PLCG1: variants seen among roughly 807,000 people sequenced by gnomAD.
PLCG1 encodes 1-phosphatidylinositol 4,5-bisphosphate phosphodiesterase gamma-1.
In PLCG1, 71 loss-of-function variants were observed where a neutral mutation model predicts 177.8. That is an observed-to-expected ratio of 0.40 (90% confidence interval 0.33 to 0.49). PLCG1 has a LOEUF of 0.49. Among genes scored for constraint, PLCG1 ranks in the 20% least tolerant of loss-of-function variants. The pLI, the probability that PLCG1 is intolerant of heterozygous loss-of-function variation, is 0.72. For missense variants in PLCG1, 1,281 were observed against 1,709.0 expected, an observed-to-expected ratio of 0.75 and a Z score of 4.42; for synonymous variants, 658 against 647.9, an observed-to-expected ratio of 1.02 and a Z score of -0.24.
In PLCG1 at chr20:41,144,904, T is replaced by C. The variant is rs966402424; in HGVS notation, c.217+7046T>C. Among the ~76,000 whole-genome samples the C allele has an allele frequency of 2.0e-5, 3 of 151,948 alleles. No individual in the cohort carries two copies. Among genetic ancestry groups the C allele is most frequent in the African/African-American group, 4.8e-5 (2 of 41,326 alleles). Reference sequence around the variant, plus strand: ...AGCTTTCTTGGGCCTCAGTGGCTCATTGAATAAGTGAGAGACGACTTGTGC... The same window carrying C: ...AGCTTTCTTGGGCCTCAGTGGCTCACTGAATAAGTGAGAGACGACTTGTGC... On this transcript the variant is annotated intron_variant, in intron 1 of 31. Transcript: ENST00000685551. The surrounding 1 kb of genome is among the most constrained non-coding windows in gnomAD (Gnocchi z 4.1).
At chr20:41,141,695 AC>A (rs2034832044) in intron 1 of PLCG1, among the ~76,000 whole-genome samples, 1 of 152,100 alleles carries the variant, frequency 6.6e-6, no homozygotes, top group African/African-American at 2.4e-5. Context: ...GGGAAGTCAG[AC>A]CTTTTAGTGT....
Position 41,165,627 on chromosome 20 carries a change from T to C in PLCG1, c.1612-12T>C, listed in dbSNP as rs1177601631. ...GGGTCACAGTATCTTTGCTGTTGCC[T>C]TCCCCTGACAGGTCAGCAGCAGCAC... On this transcript the variant is annotated splice_polypyrimidine_tract_variant and intron_variant, in intron 15 of 31. Coordinates refer to ENST00000685551, the MANE Select transcript of PLCG1 (RefSeq NM_002660.3). This position sits in a 1 kb window ranked among gnomAD's most constrained non-coding sequence, Gnocchi z 6.6. 15 of 1,612,224 alleles carry C rather than the reference T, an allele frequency of 9.3e-6. No individual in the cohort carries two copies. The African/African-American group carries it at 1.7e-4, about 19-fold the overall frequency.
In PLCG1 at chr20:41,163,859, C is replaced by T; in HGVS notation, c.1010+26C>T. ...GTGAGTGTGGCTCCTTCAGGCCCAC[C>T]CAGCTTCTTCCCCAGGAGGGCCCAT... On this transcript the variant is annotated intron_variant, in intron 10 of 31. Coordinates refer to ENST00000685551, the MANE Select transcript of PLCG1 (RefSeq NM_002660.3). The surrounding 1 kb of genome is among the most constrained non-coding windows in gnomAD (Gnocchi z 5.2). 6.2e-7 allele frequency: 1 copy of T among 1,609,302 alleles called. No individual in the cohort carries two copies. The highest frequency in any genetic ancestry group is 8.5e-7 in the Non-Finnish European group (1 of 1,175,600).
Position 41,177,423 on chromosome 20 carries a change from G to A in PLCG1, c.*2914G>A, listed in dbSNP as rs1277508169. 2.0e-5 allele frequency: 3 copies of A among 152,240 alleles called. No individual in the cohort carries two copies. The highest frequency in any genetic ancestry group is 7.2e-5 in the African/African-American group (3 of 41,450). 9.4% of individuals were successfully genotyped at this position (152,240 alleles called of 1,614,324 possible). ...AGGCAGGGGTCTGCCTCCTGACCAA[G>A]CACATCTTGAACATCACCTGAGAGC... On this transcript the variant is annotated 3_prime_UTR_variant, in exon 32 of 32. Transcript: ENST00000685551.
rs2035160396 is a variant in PLCG1, at chr20:41,151,345, T to C, written c.218-8261T>C. ...ACCCTTTGGACCCTCTGTTTCCTCA[T>C]TGTTTCAAAGAGATTTGTCTAGAAT... On this transcript the variant is annotated intron_variant, in intron 1 of 31. Coordinates refer to ENST00000685551, the MANE Select transcript of PLCG1 (RefSeq NM_002660.3). This position sits in a 1 kb window ranked among gnomAD's most constrained non-coding sequence, Gnocchi z 5.5. Among the ~76,000 whole-genome samples the C allele has an allele frequency of 6.6e-6, 1 of 152,200 alleles. No individual in the cohort carries two copies. The highest frequency in any genetic ancestry group is 6.5e-5 in the Admixed American group (1 of 15,280).
chr20:41,150,754 C>T lies in PLCG1; in HGVS notation c.218-8852C>T, dbSNP rs2146014934. ...TCTGTCTTGGTTTCCATGAACCCCT[C>T]TGCCCAATGTGTGCTTGTCAGCCCT... On this transcript the variant is annotated intron_variant, in intron 1 of 31. Transcript: ENST00000685551. This position sits in a 1 kb window ranked among gnomAD's most constrained non-coding sequence, Gnocchi z 4.0. Among the ~76,000 whole-genome samples, 1 of 152,348 alleles carries T rather than the reference C, an allele frequency of 6.6e-6. No homozygotes were observed. The highest frequency in any genetic ancestry group is 3.4e-3 in the Middle Eastern group (1 of 294).
At position 41,169,129 on chromosome 20, in the gene PLCG1, A is replaced by G; in HGVS notation, c.2534A>G (p.Tyr845Cys). 2 of 1,614,042 alleles carry G rather than the reference A, an allele frequency of 1.2e-6. No individual in the cohort carries two copies. The highest frequency in any genetic ancestry group is 1.7e-6 in the Non-Finnish European group (2 of 1,179,914). The part of the protein sequence containing the change: ...GKKQLWFPSN[Y>C]VEEMVNPVAL... ...AAGCAGCTGTGGTTCCCATCAAACT[A>G]CGTGGAAGAGATGGTCAACCCCGTG... is the stretch of plus-strand genomic sequence containing the variant. Residue 845 changes from tyrosine (Y) to cysteine (C), a missense_variant, in exon 22 of 32, where the codon TAC becomes TGC. Physicochemically the swap from Tyr to Cys is radical, Grantham distance 194 (BLOSUM62 -2). Transcript: ENST00000685551.
intron 4 of PLCG1, among the ~76,000 whole-genome samples, chr20:41,161,085 G>A (rs1460677232): frequency 6.6e-6 from 1 of 152,118 alleles, no homozygotes; most frequent in Non-Finnish European, 1.5e-5. Context: ...ACAGGGCTGG[G>A]TGAGATCACC....
chr20:41,150,119 G>T lies in PLCG1; in HGVS notation c.218-9487G>T, dbSNP rs553065361. ...TGGGAGGATCACCTGCACCTGGGGA[G>T]GTAGAGGCTACAGTGAGCCCTGTTG... On this transcript the variant is annotated intron_variant, in intron 1 of 31. Transcript: ENST00000685551. The surrounding 1 kb of genome is among the most constrained non-coding windows in gnomAD (Gnocchi z 4.0). 4.6e-5 allele frequency among the ~76,000 whole-genome samples: 7 copies of T among 152,264 alleles called. No homozygotes were observed. The East Asian group carries it at 1.4e-3, about 29-fold the overall frequency.
intron 1 of PLCG1, among the ~76,000 whole-genome samples, chr20:41,142,838 CAGTGTA>C (rs2034872184): frequency 6.6e-6 from 1 of 152,156 alleles, no homozygotes; most frequent in Admixed American, 6.5e-5. Context: ...GAGTGTGGCA[CAGTGTA>C]AGTGCTTACT....
chr20:41,170,517 T>G (rs952272853), intron 24 of PLCG1: 2 of 482,634 alleles, frequency 4.1e-6, no homozygotes, highest in African/African-American at 3.9e-5. Flanking sequence ...TAGTGGGCAA[T>G]TGGATACACA....
In PLCG1 at chr20:41,160,914, AG is replaced by A. The variant is rs2035473281; in HGVS notation, c.512+764del. Among the ~76,000 whole-genome samples the A allele has an allele frequency of 6.6e-6, 1 of 152,138 alleles. No individual in the cohort carries two copies. The highest frequency in any genetic ancestry group is 6.5e-5 in the Admixed American group (1 of 15,274). On this transcript the variant is annotated intron_variant, in intron 4 of 31. Transcript: ENST00000685551. The surrounding 1 kb of genome is among the most constrained non-coding windows in gnomAD (Gnocchi z 5.5). ...AAGATCATGGGACTAGCCCATTTGG[AG>A]GGAAGCTTGGGTTCAGTTCGAGGCA...
rs1325033331 is a variant in PLCG1, at chr20:41,169,537, A to T, written c.2650+11A>T. 1 of 1,605,862 alleles carries T rather than the reference A, an allele frequency of 6.2e-7. No homozygotes were observed. Among genetic ancestry groups the T allele is most frequent in the Non-Finnish European group, 8.5e-7 (1 of 1,172,692 alleles). ...CGGCTTGTCAGATTGGTGAGCTCCC[A>T]TCTGTTTCTCTTGCCCACTGTTCCC... On this transcript the variant is annotated intron_variant, in intron 23 of 31. Transcript: ENST00000685551.
rs1370916315 is a variant in PLCG1 at position 41,175,594 on chromosome 20, CAT to C, written c.*1087_*1088del. On this transcript the variant is annotated 3_prime_UTR_variant, in exon 32 of 32. Transcript: ENST00000685551. ...CAGGCCCGTGGGCGCAAAGGTGCCTCATAGCATAGCCAGCATTCAGCACACAC... is the reference window on the plus strand; with the variant it reads ...CAGGCCCGTGGGCGCAAAGGTGCCTCAGCATAGCCAGCATTCAGCACACAC... 1 of 152,688 alleles carries C rather than the reference CAT, an allele frequency of 6.5e-6. No homozygotes were observed. The highest frequency in any genetic ancestry group is 2.4e-5 in the African/African-American group (1 of 41,448). The allele number at this position is 152,688 out of a possible 1,614,324, so 9.5% of individuals were successfully genotyped here.
In PLCG1 at chr20:41,173,783, G is replaced by T; in HGVS notation, c.3526G>T (p.Ala1176Ser). 6.2e-7 allele frequency: 1 copy of T among 1,614,138 alleles called. No homozygotes were observed. Among genetic ancestry groups the T allele is most frequent in the Non-Finnish European group, 8.5e-7 (1 of 1,179,982 alleles). ...TAGTGACCAGAATTTCCTGGCTCAG[G>T]CTACTTTCCCAGTAAAAGGCCTGAA... ...MFSDQNFLAQATFPVKGLKTG... is the reference protein window; with the variant it reads ...MFSDQNFLAQSTFPVKGLKTG... Residue 1176 changes from alanine to serine, a missense_variant, in exon 29 of 32, where the codon GCT (alanine) becomes TCT (serine). Physicochemically the swap from Ala to Ser is moderately conservative, Grantham distance 99 (BLOSUM62 1). Around this residue, in one of 4 missense-constraint regions of PLCG1, gnomAD observed 153 missense variants for 153.2 expected, o/e 1.00. Coordinates refer to ENST00000685551, the MANE Select transcript of PLCG1 (RefSeq NM_002660.3). The surrounding 1 kb of genome is among the most constrained non-coding windows in gnomAD (Gnocchi z 6.2).
In PLCG1 at chr20:41,159,676, C is replaced by T. The variant is rs1321912406; in HGVS notation, c.288C>T (p.Asp96=). Residue 96 remains aspartate, a synonymous_variant, in exon 2 of 32, where the codon GAC becomes GAT. Transcript: ENST00000685551. The surrounding 1 kb of genome is among the most constrained non-coding windows in gnomAD (Gnocchi z 6.0). Reference sequence around the variant, plus strand: ...GGGACTTTGATCGCTATCAAGAGGACCCAGCTTTCCGGCCGGACCAGTCAC... The same window carrying T: ...GGGACTTTGATCGCTATCAAGAGGATCCAGCTTTCCGGCCGGACCAGTCAC... ...TSRDFDRYQE[D]PAFRPDQSHC... 1.2e-6 allele frequency: 2 copies of T among 1,614,220 alleles called. No individual in the cohort carries two copies. Among genetic ancestry groups the T allele is most frequent in the South Asian group, 2.2e-5 (2 of 91,082 alleles).
chr20:41,167,515 A>C lies in PLCG1; in HGVS notation c.2302-337A>C. ...TTCCTGACTTTGGGCTCAGCAGTGA[A>C]CCAACAAGCCACTGAACTAAAGCAC... On this transcript the variant is annotated intron_variant, in intron 19 of 31. Coordinates refer to ENST00000685551, the MANE Select transcript of PLCG1 (RefSeq NM_002660.3). The surrounding 1 kb of genome is among the most constrained non-coding windows in gnomAD (Gnocchi z 4.4). 1 of 266,310 alleles carries C rather than the reference A, an allele frequency of 3.8e-6. No homozygotes were observed. The highest frequency in any genetic ancestry group is 5.6e-5 in the South Asian group (1 of 17,732). 16.5% of individuals were successfully genotyped at this position (266,310 alleles called of 1,614,324 possible).
At position 41,175,588 on chromosome 20, in the gene PLCG1, G is replaced by A. The variant is rs2036042644; in HGVS notation, c.*1079G>A. On this transcript the variant is annotated 3_prime_UTR_variant, in exon 32 of 32. Transcript: ENST00000685551. ...GGGGTCCAGGCCCGTGGGCGCAAAG[G>A]TGCCTCATAGCATAGCCAGCATTCA... 6.6e-6 allele frequency: 1 copy of A among 152,662 alleles called. No individual in the cohort carries two copies. Among genetic ancestry groups the A allele is most frequent in the African/African-American group, 2.4e-5 (1 of 41,432 alleles). 9.5% of individuals were successfully genotyped at this position (152,662 alleles called of 1,614,324 possible). A position where few individuals can be genotyped will look rare whatever the true frequency, so the allele number is the denominator to read the frequency against.
chr20:41,155,252 T>C (rs932958206), intron 1 of PLCG1, among the ~76,000 whole-genome samples: 2 of 152,164 alleles, frequency 1.3e-5, no homozygotes, highest in African/African-American at 4.8e-5. Flanking sequence ...AAAACACACA[T>C]GAATCTGAGG....
Sources: allele counts gnomAD v4.1 joint callset (sites outside exome capture counted in the v4.1 genomes callset), GRCh38; gene constraint gnomAD v4.1.1; regional missense constraint gnomAD v4.1.1; non-coding constraint Gnocchi (gnomAD v3.1); transcripts MANE v1.5; gene names NCBI Gene and HGNC (gene_info 2026-07-23, HGNC 2026-07-21).